Variants in RXRA observed in about 807,000 individuals in gnomAD.
The protein encoded by RXRA is retinoic acid receptor RXR-alpha.
A neutral mutation model predicts 44.5 loss-of-function variants in RXRA; 5 were observed. That is an observed-to-expected ratio of 0.11 (90% confidence interval 0.06 to 0.24). The LOEUF is 0.24. Ranked by LOEUF, RXRA falls within the 10% of genes least tolerant of loss-of-function variation. The probability of loss-of-function intolerance (pLI) is 1.00; values close to 1 mark genes in which losing one functional copy is unlikely to be tolerated. For missense variants in RXRA, 412 were observed against 646.5 expected, an observed-to-expected ratio of 0.64 and a Z score of 3.93; for synonymous variants, 291 against 271.4, an observed-to-expected ratio of 1.07 and a Z score of -0.71.
intron 1 of RXRA, among the ~76,000 whole-genome samples, chr9:134,358,979 C>G (rs1830317344): frequency 6.6e-6 from 1 of 152,186 alleles, no homozygotes; most frequent in South Asian, 2.1e-4. Flanking sequence ...CACTCCTACC[C>G]CATGCCCAGT....
rs189514197 is a variant in RXRA, at chr9:134,343,934, G to A, written c.28+17275G>A. ...GCCCTCGTGGCCCTACCACAGTGGG[G>A]TGGGCATCTCCCCATAGGCCCTCCC... is the stretch of plus-strand genomic sequence containing the variant. On this transcript the variant is annotated intron_variant, in intron 1 of 9. Coordinates refer to ENST00000481739, the MANE Select transcript of RXRA (RefSeq NM_002957.6). The surrounding 1 kb of genome is among the most constrained non-coding windows in gnomAD (Gnocchi z 4.1). Among the ~76,000 whole-genome samples, 1 of 152,162 alleles carries A rather than the reference G, an allele frequency of 6.6e-6. No homozygotes were observed.
intron 5 of RXRA, among the ~76,000 whole-genome samples, chr9:134,419,854 C>G (rs549940806): frequency 6.6e-6 from 1 of 152,194 alleles, no homozygotes; most frequent in Non-Finnish European, 1.5e-5. Context: ...TCACACCTGC[C>G]GGGAGTGTGC....
chr9:134,327,338 G>A (rs1302455504), intron 1 of RXRA, among the ~76,000 whole-genome samples: 1 of 152,180 alleles, frequency 6.6e-6, no homozygotes, highest in Non-Finnish European at 1.5e-5. Flanking sequence ...GCAGAGGCGC[G>A]TAGGGTCAGT....
At chr9:134,410,767 C>T (rs904271360) in intron 4 of RXRA, among the ~76,000 whole-genome samples, 1 of 152,224 alleles carries the variant, frequency 6.6e-6, no homozygotes, top group African/African-American at 2.4e-5. Context: ...TGCCACAGCA[C>T]AGAGAGCTTG....
intron 2 of RXRA, chr9:134,402,248 A>G (rs1009610753): frequency 9.7e-5 from 26 of 268,866 alleles, no homozygotes; most frequent in African/African-American, 5.6e-4. Context: ...GCTTGTGCCC[A>G]CACAGCCTGG....
rs35040025 is a variant in RXRA, at chr9:134,424,695, T to G, written c.910+2890T>G. ...AATTCAGATGTGGAACACTGGAGTT[T>G]GAAGCCTGCACTGGCCAGGTGGCTG... On this transcript the variant is annotated intron_variant, in intron 6 of 9. Transcript: ENST00000481739. The G allele has an allele frequency of 2.3e-5, 23 of 985,452 alleles. No individual in the cohort carries two copies. The East Asian group carries it at 2.5e-3, about 107-fold the overall frequency. 61.0% of individuals were successfully genotyped at this position (985,452 alleles called of 1,614,324 possible). A position where few individuals can be genotyped will look rare whatever the true frequency, so the allele number is the denominator to read the frequency against.
chr9:134,376,929 CGCTG>C (rs1057018890), intron 1 of RXRA, among the ~76,000 whole-genome samples: 1 of 152,186 alleles, frequency 6.6e-6, no homozygotes, highest in Admixed American at 6.5e-5. Flanking sequence ...GGCGGGCAGT[CGCTG>C]GGCTGACCTC....
At chr9:134,335,959 A>T (rs1200209391) in intron 1 of RXRA, among the ~76,000 whole-genome samples, 1 of 152,066 alleles carries the variant, frequency 6.6e-6, no homozygotes, top group Non-Finnish European at 1.5e-5. Context: ...AGGCTATTGG[A>T]TGGCTTCTCG....
In RXRA at chr9:134,366,123, A is replaced by G. The variant is rs1830411904; in HGVS notation, c.29-35509A>G. Among the ~76,000 whole-genome samples the G allele has an allele frequency of 6.6e-6, 1 of 152,076 alleles. No individual in the cohort carries two copies. Reference sequence around the variant, plus strand: ...CCTGGGAGCGGTGCTGTCCCTGGGTACAGATGAGAAGCCAAGGCTCAGAGG... The same window carrying G: ...CCTGGGAGCGGTGCTGTCCCTGGGTGCAGATGAGAAGCCAAGGCTCAGAGG... On this transcript the variant is annotated intron_variant, in intron 1 of 9. Coordinates refer to ENST00000481739, the MANE Select transcript of RXRA (RefSeq NM_002957.6). This position sits in a 1 kb window ranked among gnomAD's most constrained non-coding sequence, Gnocchi z 5.9.
Position 134,395,471 on chromosome 9 carries a change from C to T in RXRA, c.29-6161C>T, listed in dbSNP as rs553754191. Reference sequence around the variant, plus strand: ...AGGCTGGTCAGGGCTCTGTGTGGGGCCGGCAGTCCTTAGGGCCACTTCCTG... The same window carrying T: ...AGGCTGGTCAGGGCTCTGTGTGGGGTCGGCAGTCCTTAGGGCCACTTCCTG... On this transcript the variant is annotated intron_variant, in intron 1 of 9. Coordinates refer to ENST00000481739, the MANE Select transcript of RXRA (RefSeq NM_002957.6). Among the ~76,000 whole-genome samples the T allele has an allele frequency of 2.0e-4, 30 of 152,338 alleles. No homozygotes were observed. The South Asian group carries it at 4.3e-3, about 22-fold the overall frequency.
chr9:134,370,149 G>A (rs780593951), intron 1 of RXRA, among the ~76,000 whole-genome samples: 17 of 152,294 alleles, frequency 1.1e-4, no homozygotes, highest in South Asian at 8.3e-4. Context: ...GTCCCGGGTC[G>A]GAAGGATGAC....
chr9:134,360,163 G>A (rs1410201839), intron 1 of RXRA, among the ~76,000 whole-genome samples: 4 of 152,192 alleles, frequency 2.6e-5, no homozygotes, highest in Non-Finnish European at 4.4e-5. Context: ...CCTGGGGTGG[G>A]CCAGGATCCC....
At chr9:134,370,832 T>C (rs1337488439) in intron 1 of RXRA, among the ~76,000 whole-genome samples, 1 of 152,114 alleles carries the variant, frequency 6.6e-6, no homozygotes, top group Non-Finnish European at 1.5e-5. Context: ...ACATGATGAG[T>C]GCTCTCACTC....
rs1429966951 is a variant in RXRA at position 134,354,707 on chromosome 9, C to T, written c.28+28048C>T. 2.0e-5 allele frequency among the ~76,000 whole-genome samples: 3 copies of T among 152,224 alleles called. 1 individual carries two copies. The highest frequency in any genetic ancestry group is 4.1e-4 in the South Asian group (2 of 4,828). On this transcript the variant is annotated intron_variant, in intron 1 of 9. Transcript: ENST00000481739. The stretch of plus-strand genomic sequence containing the variant: ...TGCAGCTGTGCTGTGCACTGGCCTT[C>T]GCTGTAAGACTGAAATGTTCAGAGG...
intron 1 of RXRA, among the ~76,000 whole-genome samples, chr9:134,354,073 G>A (rs1366866349): frequency 1.3e-5 from 2 of 152,186 alleles, no homozygotes; most frequent in Non-Finnish European, 2.9e-5. Flanking sequence ...ATAACACTTA[G>A]GTCCATGCCT....
intron 1 of RXRA, among the ~76,000 whole-genome samples, chr9:134,336,966 C>T (rs1243811776): frequency 2.6e-5 from 4 of 152,122 alleles, no homozygotes; most frequent in South Asian, 2.1e-4. Flanking sequence ...GGACTGTCCT[C>T]GAGGACTCTG....
chr9:134,410,056 A>C (rs979820412), intron 4 of RXRA, among the ~76,000 whole-genome samples: 1 of 152,136 alleles, frequency 6.6e-6, no homozygotes, highest in African/African-American at 2.4e-5. Flanking sequence ...CTGAGTGGCC[A>C]CCTTGGTGCT....
At chr9:134,436,152 A>C (rs958223862) in intron 9 of RXRA, among the ~76,000 whole-genome samples, 1 of 152,324 alleles carries the variant, frequency 6.6e-6, no homozygotes, top group African/African-American at 2.4e-5. Context: ...AACTGCCTGC[A>C]ATTTTTAACT....
chr9:134,356,508 C>T (rs1009052768), intron 1 of RXRA, among the ~76,000 whole-genome samples: 4 of 152,154 alleles, frequency 2.6e-5, no homozygotes, highest in African/African-American at 4.8e-5. Flanking sequence ...TAGAGCAGCA[C>T]GGTCTGCGGG....
Sources: allele counts gnomAD v4.1 joint callset (sites outside exome capture counted in the v4.1 genomes callset), GRCh38; gene constraint gnomAD v4.1.1; non-coding constraint Gnocchi (gnomAD v3.1); transcripts MANE v1.5; gene names NCBI Gene and HGNC (gene_info 2026-07-23, HGNC 2026-07-21).